The following PLCG1 variants were observed in gnomAD, a reference collection of about 807,000 sequenced individuals.
PLCG1 encodes phospholipase C gamma 1.
A neutral mutation model predicts 177.8 loss-of-function variants in PLCG1; 71 were observed. The observed-to-expected ratio is 0.40, with a 90% CI of 0.33 to 0.49. The LOEUF is 0.49. PLCG1 is among the 20% of genes least tolerant of loss of function. PLCG1 has a pLI of 0.72. For missense variants in PLCG1, 1,281 were observed against 1,709.0 expected, an observed-to-expected ratio of 0.75 and a Z score of 4.42; for synonymous variants, 658 against 647.9, an observed-to-expected ratio of 1.02 and a Z score of -0.24.
At position 41,153,591 on chromosome 20, in the gene PLCG1, C is replaced by A. The variant is rs529383314; in HGVS notation, c.218-6015C>A. Among the ~76,000 whole-genome samples, 3 of 152,270 alleles carry A rather than the reference C, an allele frequency of 2.0e-5. No individual in the cohort carries two copies. Among genetic ancestry groups the A allele is most frequent in the Admixed American group, 6.5e-5 (1 of 15,292 alleles). ...GCGTATGCACTTTATAAAGGGAAAA[C>A]CCTCTCTGAAGAGAAATATTTCAGA... On this transcript the variant is annotated intron_variant, in intron 1 of 31. Transcript: ENST00000685551. The surrounding 1 kb of genome is among the most constrained non-coding windows in gnomAD (Gnocchi z 5.1).
At position 41,146,598 on chromosome 20, in the gene PLCG1, G is replaced by A. The variant is rs1372854006; in HGVS notation, c.217+8740G>A. ...ATGGCGAGTTTGGCCACTTGTTTGT[G>A]TGTGTTTAGTTCTTCCTGGGCACAG... On this transcript the variant is annotated intron_variant, in intron 1 of 31. Coordinates refer to ENST00000685551, the MANE Select transcript of PLCG1 (RefSeq NM_002660.3). This position sits in a 1 kb window ranked among gnomAD's most constrained non-coding sequence, Gnocchi z 6.3. Among the ~76,000 whole-genome samples the A allele has an allele frequency of 6.6e-6, 1 of 152,218 alleles. No individual in the cohort carries two copies. The highest frequency in any genetic ancestry group is 2.4e-5 in the African/African-American group (1 of 41,466).
chr20:41,169,586 C>G, intron 23 of PLCG1, 60 bp downstream of exon 23: 2 of 1,293,514 alleles, frequency 1.5e-6, no homozygotes, highest in Non-Finnish European at 1.1e-6. Context: ...TTCTTTGTAT[C>G]TCTTTCCTGC....
At chr20:41,170,353 T>A in intron 24 of PLCG1, 84 bp downstream of exon 24, 1 of 1,476,674 alleles carries the variant, frequency 6.8e-7, no homozygotes, top group South Asian at 1.2e-5. Context: ...ACAGGCCCCC[T>A]CAGAGCAGTG....
rs1417457444 is a variant in PLCG1 at position 41,176,046 on chromosome 20, G to C, written c.*1537G>C. 1.3e-5 allele frequency: 2 copies of C among 152,136 alleles called. No homozygotes were observed. The highest frequency in any genetic ancestry group is 1.3e-4 in the Admixed American group (2 of 15,276). 9.4% of individuals were successfully genotyped at this position (152,136 alleles called of 1,614,324 possible). On this transcript the variant is annotated 3_prime_UTR_variant, in exon 32 of 32. Coordinates refer to ENST00000685551, the MANE Select transcript of PLCG1 (RefSeq NM_002660.3). ...AGAAACCTCTCCTTTCAAAAATGTTGCATTCAGTTCGTTAACACTGCCAGG... is the reference window on the plus strand; with the variant it reads ...AGAAACCTCTCCTTTCAAAAATGTTCCATTCAGTTCGTTAACACTGCCAGG...
chr20:41,161,798 C>T (rs2035507093), intron 4 of PLCG1, among the ~76,000 whole-genome samples: 1 of 151,568 alleles, frequency 6.6e-6, no homozygotes, highest in Admixed American at 6.6e-5. Context: ...CCAGGTCCAG[C>T]AGTGTCCCCA....
At position 41,174,293 on chromosome 20, in the gene PLCG1, T is replaced by C. The variant is rs757704353; in HGVS notation, c.3815T>C (p.Phe1272Ser). Residue 1272 changes from phenylalanine (F) to serine (S), a missense_variant, in exon 31 of 32, where the codon TTT (phenylalanine) becomes TCT (serine). Physicochemically the swap from Phe to Ser is radical, Grantham distance 155. This residue lies in a region of PLCG1 where 153 missense variants were observed against 153.2 expected (regional missense o/e 1.00). Coordinates refer to ENST00000685551, the MANE Select transcript of PLCG1 (RefSeq NM_002660.3). This position sits in a 1 kb window ranked among gnomAD's most constrained non-coding sequence, Gnocchi z 5.8. Reference sequence around the variant, plus strand: ...TCCCAGGAGCATCTCGCAGACCATTTTGACAGTCGAGAACGAAGGTGAGGA... The same window carrying C: ...TCCCAGGAGCATCTCGCAGACCATTCTGACAGTCGAGAACGAAGGTGAGGA... Reference protein sequence around the residue: ...RISQEHLADHFDSRERRAPRR... With the variant: ...RISQEHLADHSDSRERRAPRR... The C allele has an allele frequency of 5.6e-6, 9 of 1,614,058 alleles. No homozygotes were observed. Among genetic ancestry groups the C allele is most frequent in the South Asian group, 1.1e-5 (1 of 91,090 alleles).
At position 41,163,556 on chromosome 20, in the gene PLCG1, C is replaced by G. The variant is rs1229979087; in HGVS notation, c.891+77C>G. 1 of 1,168,350 alleles carries G rather than the reference C, an allele frequency of 8.6e-7. No individual in the cohort carries two copies. Among genetic ancestry groups the G allele is most frequent in the East Asian group, 2.3e-5 (1 of 42,898 alleles). 72.4% of individuals were successfully genotyped at this position (1,168,350 alleles called of 1,614,324 possible). ...CAGGACCCCACCCGGGCTCCAGGAGCTAGACGCTCCTTAGGGATGCCACCT... is the reference window on the plus strand; with the variant it reads ...CAGGACCCCACCCGGGCTCCAGGAGGTAGACGCTCCTTAGGGATGCCACCT... On this transcript the variant is annotated intron_variant, in intron 9 of 31. Transcript: ENST00000685551. This position sits in a 1 kb window ranked among gnomAD's most constrained non-coding sequence, Gnocchi z 5.2.
chr20:41,153,306 C>G lies in PLCG1; in HGVS notation c.218-6300C>G, dbSNP rs545138191. 6.6e-6 allele frequency among the ~76,000 whole-genome samples: 1 copy of G among 152,124 alleles called. No homozygotes were observed. The highest frequency in any genetic ancestry group is 1.5e-5 in the Non-Finnish European group (1 of 68,026). ...TTTTGTGTTTTTAGAGAAAGGATCT[C>G]GCTTTGTTGGCCAGGCTGGAGTACA... On this transcript the variant is annotated intron_variant, in intron 1 of 31. Coordinates refer to ENST00000685551, the MANE Select transcript of PLCG1 (RefSeq NM_002660.3). This position sits in a 1 kb window ranked among gnomAD's most constrained non-coding sequence, Gnocchi z 5.1.
chr20:41,173,644 C>T lies in PLCG1; in HGVS notation c.3395-8C>T. On this transcript the variant is annotated splice_region_variant and splice_polypyrimidine_tract_variant and intron_variant, in intron 28 of 31. Coordinates refer to ENST00000685551, the MANE Select transcript of PLCG1 (RefSeq NM_002660.3). The surrounding 1 kb of genome is among the most constrained non-coding windows in gnomAD (Gnocchi z 6.2). ...GTGACCTGAAGCCTTTTGTCGTTGC[C>T]TTCACAGTGGACAATGGACTCAACC... 1 of 1,614,192 alleles carries T rather than the reference C, an allele frequency of 6.2e-7. No individual in the cohort carries two copies. Among genetic ancestry groups the T allele is most frequent in the Non-Finnish European group, 8.5e-7 (1 of 1,180,038 alleles).
At position 41,163,565 on chromosome 20, in the gene PLCG1, C is replaced by T. The variant is rs2035585249; in HGVS notation, c.891+86C>T. The stretch of plus-strand genomic sequence containing the variant: ...ACCCGGGCTCCAGGAGCTAGACGCT[C>T]CTTAGGGATGCCACCTTGTTTCTAC... On this transcript the variant is annotated intron_variant, in intron 9 of 31. Coordinates refer to ENST00000685551, the MANE Select transcript of PLCG1 (RefSeq NM_002660.3). This position sits in a 1 kb window ranked among gnomAD's most constrained non-coding sequence, Gnocchi z 5.2. 1.8e-6 allele frequency: 2 copies of T among 1,126,556 alleles called. No individual in the cohort carries two copies. The highest frequency in any genetic ancestry group is 1.5e-5 in the African/African-American group (1 of 65,808). The allele number at this position is 1,126,556 out of a possible 1,614,324, so 69.8% of individuals were successfully genotyped here. A position where few individuals can be genotyped will look rare whatever the true frequency, so the allele number is the denominator to read the frequency against.
At position 41,157,233 on chromosome 20, in the gene PLCG1, T is replaced by TGTGTGTGTGTGTGTAC. The variant is rs2035352736; in HGVS notation, c.218-2365_218-2364insGTGTGTACGTGTGTGT. ...GTGTGTGTGTGTGTGTGTGTGTGTG[T>TGTGTGTGTGTGTGTAC]GTGTGTGTACAGTCACACTCACCTT... On this transcript the variant is annotated intron_variant, in intron 1 of 31. Transcript: ENST00000685551. The surrounding 1 kb of genome is among the most constrained non-coding windows in gnomAD (Gnocchi z 5.4). 6.7e-6 allele frequency among the ~76,000 whole-genome samples: 1 copy of TGTGTGTGTGTGTGTAC among 150,296 alleles called. No individual in the cohort carries two copies. Among genetic ancestry groups the TGTGTGTGTGTGTGTAC allele is most frequent in the Non-Finnish European group, 1.5e-5 (1 of 66,982 alleles).
rs199664370 is a variant in PLCG1, at chr20:41,172,255, C to T, written c.2871C>T (p.Val957=). 1.6e-5 allele frequency: 26 copies of T among 1,613,916 alleles called. No homozygotes were observed. Among genetic ancestry groups the T allele is most frequent in the South Asian group, 4.4e-5 (4 of 91,078 alleles). The change falls in exon 25 of 32, where the codon GTC becomes GTT. Residue 957 remains valine (V), a synonymous_variant. Transcript: ENST00000685551. This position sits in a 1 kb window ranked among gnomAD's most constrained non-coding sequence, Gnocchi z 7.0. ...TTGCCCTGGAGCTCTCTGAACTTGT[C>T]GTCTACTGCCGGCCTGTTCCCTTTG... ...KKIALELSEL[V]VYCRPVPFDE...
rs1178831972 is a variant in PLCG1 at position 41,163,511 on chromosome 20, AGAGAAT to A, written c.891+36_891+41del. On this transcript the variant is annotated intron_variant, in intron 9 of 31. Transcript: ENST00000685551. The surrounding 1 kb of genome is among the most constrained non-coding windows in gnomAD (Gnocchi z 5.2). The stretch of plus-strand genomic sequence containing the variant: ...CCGATGTTTCACCCATTTTTTGTCA[AGAGAAT>A]GAGTAGGGGTGACCAGGACCCCACC... 6.6e-7 allele frequency: 1 copy of A among 1,505,874 alleles called. No homozygotes were observed. Among genetic ancestry groups the A allele is most frequent in the Non-Finnish European group, 9.2e-7 (1 of 1,084,564 alleles). The allele number at this position is 1,505,874 out of a possible 1,614,324, so 93.3% of individuals were successfully genotyped here. A position where few individuals can be genotyped will look rare whatever the true frequency, so the allele number is the denominator to read the frequency against.
intron 20 of PLCG1, among the ~76,000 whole-genome samples, 182 bp from the exon 21 acceptor site, chr20:41,168,585 G>C (rs1207340904): frequency 6.6e-6 from 1 of 152,214 alleles, no homozygotes; most frequent in Non-Finnish European, 1.5e-5. Context: ...TATCTGTCCT[G>C]GAGCTTCCCT....
rs147598358 is a variant in PLCG1, at chr20:41,151,622, C to T, written c.218-7984C>T. ...CCTCAGATTTGTGAGTATGTTTCTA[C>T]TGAGAGGCAGGAGGAGGAATATTAT... On this transcript the variant is annotated intron_variant, in intron 1 of 31. Coordinates refer to ENST00000685551, the MANE Select transcript of PLCG1 (RefSeq NM_002660.3). The surrounding 1 kb of genome is among the most constrained non-coding windows in gnomAD (Gnocchi z 5.5). 3.4e-3 allele frequency among the ~76,000 whole-genome samples: 522 copies of T among 152,242 alleles called. 6 individuals are homozygous for T. The highest frequency in any genetic ancestry group is 0.012 in the African/African-American group (494 of 41,520).
Position 41,172,306 on chromosome 20 carries a change from A to G in PLCG1, c.2905+17A>G. On this transcript the variant is annotated intron_variant, in intron 25 of 31. Transcript: ENST00000685551. This position sits in a 1 kb window ranked among gnomAD's most constrained non-coding sequence, Gnocchi z 7.0. Reference sequence around the variant, plus strand: ...ATGAAGAGAGTAAGGGCCAGGGCCCAGGCGGGGTGTGCATGTGCCTGGAGG... The same window carrying G: ...ATGAAGAGAGTAAGGGCCAGGGCCCGGGCGGGGTGTGCATGTGCCTGGAGG... 6.2e-7 allele frequency: 1 copy of G among 1,606,058 alleles called. No individual in the cohort carries two copies. The highest frequency in any genetic ancestry group is 1.1e-5 in the South Asian group (1 of 90,906).
intron 1 of PLCG1, among the ~76,000 whole-genome samples, chr20:41,149,034 G>T (rs1271623991): frequency 6.6e-6 from 1 of 152,090 alleles, no homozygotes; most frequent in East Asian, 1.9e-4. Flanking sequence ...AGTTTTTATC[G>T]TTGTAAGGCA....
chr20:41,159,456 T>C lies in PLCG1; in HGVS notation c.218-150T>C. 4.1e-6 allele frequency: 3 copies of C among 726,282 alleles called. No individual in the cohort carries two copies. The highest frequency in any genetic ancestry group is 6.7e-6 in the Non-Finnish European group (3 of 444,536). The allele number at this position is 726,282 out of a possible 1,614,324, so 45.0% of individuals were successfully genotyped here. On this transcript the variant is annotated intron_variant, in intron 1 of 31. Transcript: ENST00000685551. This position sits in a 1 kb window ranked among gnomAD's most constrained non-coding sequence, Gnocchi z 6.0. ...TATCCCTAGACTCAACCCAGCCCTC[T>C]TATTACCAGAGTGACTGAGTGGTCT...
chr20:41,169,267 T>TGCACAGACACCTGTCACATGGGCTGGTC (rs1331458045), intron 22 of PLCG1, 92 bp downstream of exon 22: 323 of 1,030,934 alleles, frequency 3.1e-4, no homozygotes, highest in Non-Finnish European at 4.4e-4. Flanking sequence ...CGCACGTGCA[T>TGCACAGACACCTGTCACATGGGCTGGTC]GCACAGACAC....
Sources: gnomAD v4.1 joint callset for allele counts (sites outside exome capture counted in the v4.1 genomes callset) on GRCh38, gnomAD v4.1.1 for gene constraint, gnomAD v4.1.1 regional missense constraint, Gnocchi (gnomAD v3.1) non-coding constraint, MANE v1.5 for transcripts, NCBI Gene and HGNC (gene_info 2026-07-23, HGNC 2026-07-21) for gene names.